KIF6: variants seen among roughly 807,000 people sequenced by gnomAD.
The protein encoded by KIF6 is kinesin-like protein KIF6.
KIF6 carries 106 observed loss-of-function variants against 112.7 expected under a neutral mutation model. That is an observed-to-expected ratio of 0.94 (90% CI 0.80 to 1.11). The LOEUF (loss-of-function observed/expected upper bound fraction) is 1.11. Among genes scored for constraint, KIF6 ranks in the 50% least tolerant of loss-of-function variants. KIF6 has a pLI of 0.00. For missense variants in KIF6, 929 were observed against 964.0 expected (o/e 0.96, Z 0.48); for synonymous variants, 339 against 339.9 (o/e 1.00, Z 0.03).
chr6:39,563,038 C>T (rs181020152), intron 10 of KIF6, among the ~76,000 whole-genome samples: 17 of 152,148 alleles, frequency 1.1e-4, no homozygotes, highest in Admixed American at 9.2e-4. Context: ...GTCAGGAGTT[C>T]GAGACCAGCC....
rs533574643 is a variant in KIF6, at chr6:39,563,663, G to A, written c.1181+14393C>T. 3.3e-5 allele frequency among the ~76,000 whole-genome samples: 5 copies of A among 152,214 alleles called. No homozygotes were observed. The South Asian group carries it at 1.0e-3, about 32-fold the overall frequency. On this transcript the variant is annotated intron_variant, in intron 10 of 22. Coordinates refer to ENST00000287152, the MANE Select transcript of KIF6 (RefSeq NM_145027.6). ...ACAAATTTCTAGAAGTAAAATTGCT[G>A]GACCTGAAAGCACACTCAGTGAAAG...
At chr6:39,651,557 G>C (rs1478010673) in intron 3 of KIF6, among the ~76,000 whole-genome samples, 1 of 152,190 alleles carries the variant, frequency 6.6e-6, no homozygotes, top group Non-Finnish European at 1.5e-5. Flanking sequence ...ACTGTACACT[G>C]ACTGGACCAC....
intron 16 of KIF6, among the ~76,000 whole-genome samples, chr6:39,380,632 C>T (rs1766852848): frequency 6.6e-6 from 1 of 151,798 alleles, no homozygotes; most frequent in Admixed American, 6.6e-5. Context: ...TGTTTAACAG[C>T]CACTCTTTGG....
chr6:39,342,285 G>C lies in KIF6; in HGVS notation c.2428+1424C>G, dbSNP rs1405164648. Among the ~76,000 whole-genome samples, 2 of 152,234 alleles carry C rather than the reference G, an allele frequency of 1.3e-5. No homozygotes were observed. The highest frequency in any genetic ancestry group is 2.9e-5 in the Non-Finnish European group (2 of 68,044). ...TACCCAGCTAAAAGCAGTCTTCCCA[G>C]TTACTGTCTACAACATTACATAGTT... On this transcript the variant is annotated intron_variant, in intron 22 of 22. Transcript: ENST00000287152. This position sits in a 1 kb window ranked among gnomAD's most constrained non-coding sequence, Gnocchi z 4.7.
At chr6:39,357,426 G>C (rs1419533204) in intron 18 of KIF6, 52 bp from the exon 19 acceptor site, 6 of 1,056,574 alleles carry the variant, frequency 5.7e-6, no homozygotes, top group Non-Finnish European at 8.6e-6. Context: ...TAATGACATA[G>C]GAAGATGTTT....
Position 39,665,660 on chromosome 6 carries a change from C to T in KIF6, c.252-25903G>A, listed in dbSNP as rs192924306. On this transcript the variant is annotated intron_variant, in intron 3 of 22. Coordinates refer to ENST00000287152, the MANE Select transcript of KIF6 (RefSeq NM_145027.6). ...GCACAGATCTGTCCAGAAGAGCTGG[C>T]CAACTTTCACGATCATTAATTATAT... Among the ~76,000 whole-genome samples the T allele has an allele frequency of 3.3e-5, 5 of 152,096 alleles. No homozygotes were observed. The East Asian group carries it at 9.6e-4, about 29-fold the overall frequency.
At chr6:39,646,137 T>A (rs1212533164) in intron 3 of KIF6, among the ~76,000 whole-genome samples, 1 of 144,946 alleles carries the variant, frequency 6.9e-6, no homozygotes, top group African/African-American at 2.6e-5. Flanking sequence ...TATATATATA[T>A]AAAATAAATA....
intron 13 of KIF6, among the ~76,000 whole-genome samples, chr6:39,470,077 T>A (rs1393801927): frequency 6.6e-6 from 1 of 152,034 alleles, no homozygotes; most frequent in Non-Finnish European, 1.5e-5. Flanking sequence ...TTCATAAATA[T>A]AAAAGGATCA....
chr6:39,464,376 TTACCCTCCTCTTGGAAAAAATGATCTCAA>T (rs908458694), intron 13 of KIF6, among the ~76,000 whole-genome samples: 1 of 152,198 alleles, frequency 6.6e-6, no homozygotes, highest in African/African-American at 2.4e-5. Context: ...TAAGGGAGGC[TTACCCTCCTCTTGGAAAAAATGATCTCAA>T]TTAGATCAAT....
chr6:39,348,642 A>G (rs892415709), intron 19 of KIF6, among the ~76,000 whole-genome samples: 1 of 152,182 alleles, frequency 6.6e-6, no homozygotes, highest in Non-Finnish European at 1.5e-5. Flanking sequence ...ATCAGAATGA[A>G]GTATCTTCCT....
At chr6:39,688,879 T>C (rs886458493) in intron 3 of KIF6, among the ~76,000 whole-genome samples, 6 of 152,210 alleles carry the variant, frequency 3.9e-5, no homozygotes, top group African/African-American at 1.4e-4. Flanking sequence ...CTTTCTTAGC[T>C]CAACACTTAG....
intron 6 of KIF6, among the ~76,000 whole-genome samples, chr6:39,609,203 C>A (rs190569829): frequency 2.6e-5 from 4 of 152,144 alleles, no homozygotes; most frequent in Non-Finnish European, 5.9e-5. Flanking sequence ...GTAGAACCAA[C>A]ACTGACTGGA....
intron 13 of KIF6, among the ~76,000 whole-genome samples, chr6:39,439,671 G>A (rs180783934): frequency 4.1e-4 from 62 of 152,248 alleles, no homozygotes; most frequent in African/African-American, 1.4e-3. Flanking sequence ...ATTCTTGTGC[G>A]CTGGTCCCTT....
At chr6:39,666,716 T>C (rs568308685) in intron 3 of KIF6, among the ~76,000 whole-genome samples, 1 of 152,188 alleles carries the variant, frequency 6.6e-6, no homozygotes, top group Admixed American at 6.5e-5. Flanking sequence ...CATGGTGTTA[T>C]GTGTGAAGGG....
In KIF6 at chr6:39,544,382, C is replaced by T. The variant is rs1349240627; in HGVS notation, c.1426+173G>A. 8 of 487,660 alleles carry T rather than the reference C, an allele frequency of 1.6e-5. No individual in the cohort carries two copies. The Admixed American group carries it at 3.4e-4, about 21-fold the overall frequency. 30.2% of individuals were successfully genotyped at this position (487,660 alleles called of 1,614,324 possible). ...CACATTTTTTTCTTTTATAGAAACT[C>T]TTTTTCACTGGTTGCAATACTTTGC... On this transcript the variant is annotated intron_variant, in intron 12 of 22. Coordinates refer to ENST00000287152, the MANE Select transcript of KIF6 (RefSeq NM_145027.6).
chr6:39,390,115 T>C (rs1481930255), intron 15 of KIF6, among the ~76,000 whole-genome samples: 1 of 152,088 alleles, frequency 6.6e-6, no homozygotes, highest in Non-Finnish European at 1.5e-5. Flanking sequence ...TGCTACTTCT[T>C]AGTTGAATGG....
intron 22 of KIF6, among the ~76,000 whole-genome samples, chr6:39,340,821 G>C (rs1481404864): frequency 6.6e-6 from 1 of 152,082 alleles, no homozygotes; most frequent in Non-Finnish European, 1.5e-5. Context: ...CAAAAGCTTA[G>C]TGAATGTAAC....
At chr6:39,540,292 T>A (rs1334424162) in intron 12 of KIF6, 71 bp from the exon 13 acceptor site, 1 of 946,256 alleles carries the variant, frequency 1.1e-6, no homozygotes, top group African/African-American at 1.6e-5. Context: ...GTCCTAAGTG[T>A]CATTAATGTT....
chr6:39,551,858 C>T (rs1284725074), intron 10 of KIF6, among the ~76,000 whole-genome samples: 1 of 152,166 alleles, frequency 6.6e-6, no homozygotes, highest in Non-Finnish European at 1.5e-5. Flanking sequence ...TAGAATAATA[C>T]CATCTTTACA....
Sources: gnomAD v4.1 joint callset for allele counts (sites outside exome capture counted in the v4.1 genomes callset) on GRCh38, gnomAD v4.1.1 for gene constraint, Gnocchi (gnomAD v3.1) non-coding constraint, MANE v1.5 for transcripts, NCBI Gene and HGNC (gene_info 2026-07-23, HGNC 2026-07-21) for gene names.